The following PDIA5 variants were observed in gnomAD, a reference collection of about 807,000 sequenced individuals.
The protein encoded by PDIA5 is protein disulfide-isomerase A5.
Under a neutral mutation model 77.6 loss-of-function variants are expected in PDIA5, and 58 were observed. The ratio of observed to expected loss-of-function variants is 0.75; its 90% CI spans 0.61 to 0.93. The LOEUF (loss-of-function observed/expected upper bound fraction) is 0.93. Ranked by LOEUF, PDIA5 falls within the 40% of genes least tolerant of loss-of-function variation. The pLI, the probability that PDIA5 is intolerant of heterozygous loss-of-function variation, is 0.00. For synonymous variants in PDIA5, 250 were observed against 252.1 expected (o/e 0.99, Z 0.08); for missense variants, 630 against 647.7 (o/e 0.97, Z 0.30).
intron 10 of PDIA5, among the ~76,000 whole-genome samples, chr3:123,129,048 T>C (rs1935310220): frequency 8.1e-6 from 1 of 123,178 alleles, no homozygotes; most frequent in African/African-American, 3.0e-5. Context: ...TAACCCGTCC[T>C]TCCAATTTTC....
intron 8 of PDIA5, among the ~76,000 whole-genome samples, chr3:123,118,081 G>A (rs940751847): frequency 1.3e-5 from 2 of 152,192 alleles, no homozygotes; most frequent in African/African-American, 2.4e-5. Flanking sequence ...AGTTTAAGTG[G>A]CAGCACCTGG....
chr3:123,125,361 C>T (rs1935219036), intron 10 of PDIA5, among the ~76,000 whole-genome samples: 1 of 152,208 alleles, frequency 6.6e-6, no homozygotes, highest in Non-Finnish European at 1.5e-5. Flanking sequence ...TTACCGTTCT[C>T]TTCATTTTAT....
intron 3 of PDIA5, 47 bp from the exon 4 acceptor site, chr3:123,102,364 G>T (rs1934622709): frequency 6.8e-7 from 1 of 1,461,544 alleles, no homozygotes; most frequent in Non-Finnish European, 9.6e-7. Context: ...CAACACCTTT[G>T]TGAGGACTTC....
chr3:123,131,940 G>A (rs942359223), intron 11 of PDIA5, among the ~76,000 whole-genome samples: 7 of 152,192 alleles, frequency 4.6e-5, no homozygotes, highest in African/African-American at 7.2e-5. Context: ...GGCTGAAATC[G>A]TGAGGTCACA....
intron 15 of PDIA5, among the ~76,000 whole-genome samples, chr3:123,156,934 G>A (rs1936034995): frequency 6.6e-6 from 1 of 152,226 alleles, no homozygotes; most frequent in South Asian, 2.1e-4. Flanking sequence ...CCTCCAGCGG[G>A]CAGCTGAGAG....
At chr3:123,111,456 C>A (rs899685985) in intron 7 of PDIA5, among the ~76,000 whole-genome samples, 1 of 152,244 alleles carries the variant, frequency 6.6e-6, no homozygotes, top group Non-Finnish European at 1.5e-5. Context: ...TCTGCAGGTG[C>A]CACCTGGGAG....
Position 123,161,932 on chromosome 3 carries a change from G to T in PDIA5, c.1532G>T (p.Arg511Ile), listed in dbSNP as rs1245050871. The change falls in exon 17 of 17, where the codon AGA (arginine) becomes ATA (isoleucine). Residue 511 changes from arginine (R) to isoleucine (I), a missense_variant. Coordinates refer to ENST00000316218, the MANE Select transcript of PDIA5 (RefSeq NM_006810.4). ...IRALREGDHERLGKKKEEL is the reference protein window; with the variant it reads ...IRALREGDHEILGKKKEEL ...GCCCTCCGGGAGGGAGACCATGAAAGACTAGGGAAAAAGAAGGAAGAGTTA... is the reference window on the plus strand; with the variant it reads ...GCCCTCCGGGAGGGAGACCATGAAATACTAGGGAAAAAGAAGGAAGAGTTA... The T allele has an allele frequency of 1.2e-6, 2 of 1,604,292 alleles. No individual in the cohort carries two copies. The highest frequency in any genetic ancestry group is 1.7e-6 in the Non-Finnish European group (2 of 1,171,532).
At chr3:123,137,144 G>A (rs1015272695) in intron 11 of PDIA5, among the ~76,000 whole-genome samples, 3 of 152,186 alleles carry the variant, frequency 2.0e-5, no homozygotes, top group Non-Finnish European at 4.4e-5. Context: ...CTACAGAAAG[G>A]TTTTCCCAAA....
chr3:123,091,732 C>T (rs772108091), intron 2 of PDIA5, among the ~76,000 whole-genome samples: 2 of 152,198 alleles, frequency 1.3e-5, no homozygotes, highest in Non-Finnish European at 2.9e-5. Flanking sequence ...GCTCTTGCCC[C>T]GTGGCTTCTG....
At chr3:123,157,546 G>C (rs1010724125) in intron 15 of PDIA5, among the ~76,000 whole-genome samples, 3 of 152,188 alleles carry the variant, frequency 2.0e-5, no homozygotes, top group African/African-American at 7.2e-5. Context: ...GACACCCCAA[G>C]CTGCCACTTC....
intron 2 of PDIA5, among the ~76,000 whole-genome samples, chr3:123,091,806 A>T (rs1321664724): frequency 2.0e-5 from 3 of 152,166 alleles, no homozygotes; most frequent in Non-Finnish European, 4.4e-5. Flanking sequence ...GCCTAGTGTC[A>T]CTTATAGACC....
At chr3:123,117,435 G>T (rs1935024130) in intron 8 of PDIA5, among the ~76,000 whole-genome samples, 1 of 134,766 alleles carries the variant, frequency 7.4e-6, no homozygotes. Context: ...ATGTTGCCCA[G>T]GTTGGACTTG....
intron 7 of PDIA5, among the ~76,000 whole-genome samples, chr3:123,113,506 T>C (rs944233838): frequency 2.0e-5 from 3 of 152,170 alleles, no homozygotes; most frequent in Non-Finnish European, 1.5e-5. Flanking sequence ...AGGAGAAAAC[T>C]CGGAGGTTAA....
intron 1 of PDIA5, among the ~76,000 whole-genome samples, chr3:123,087,807 G>A (rs948731207): frequency 6.6e-6 from 1 of 152,158 alleles, no homozygotes; most frequent in Admixed American, 6.5e-5. Flanking sequence ...GAGAGTGCTT[G>A]TTTACTGGGA....
chr3:123,099,543 GCA>G (rs1310591690), intron 3 of PDIA5, among the ~76,000 whole-genome samples: 2 of 152,168 alleles, frequency 1.3e-5, no homozygotes, highest in Non-Finnish European at 2.9e-5. Context: ...AAAGAAGGTG[GCA>G]CAGAGTCTGC....
Position 123,087,767 on chromosome 3 carries a change from T to C in PDIA5, c.43-1401T>C, listed in dbSNP as rs191129107. On this transcript the variant is annotated intron_variant, in intron 1 of 16. Transcript: ENST00000316218. ...AAGAGCAAGGCACTAGCACATTGAC[T>C]GGCAGCTCTGTGAGTGTGTGGAGGG... 2.0e-5 allele frequency among the ~76,000 whole-genome samples: 3 copies of C among 152,348 alleles called. No homozygotes were observed. In the East Asian group the frequency reaches 5.8e-4, roughly 29 times the overall value.
rs532127710 is a variant in PDIA5 at position 123,113,352 on chromosome 3, C to T, written c.541+2348C>T. ...GTGTGCTGTGCCCTCTCCCGCCATG[C>T]ACCCAGGCTGTGTGGCAGTGTGCCC... On this transcript the variant is annotated intron_variant, in intron 7 of 16. Coordinates refer to ENST00000316218, the MANE Select transcript of PDIA5 (RefSeq NM_006810.4). Among the ~76,000 whole-genome samples the T allele has an allele frequency of 6.6e-5, 10 of 152,318 alleles. No homozygotes were observed. In the East Asian group the frequency reaches 1.9e-3, roughly 29 times the overall value.
Position 123,155,911 on chromosome 3 carries a change from G to C in PDIA5, c.1344+870G>C, listed in dbSNP as rs544427312. 3.3e-5 allele frequency among the ~76,000 whole-genome samples: 5 copies of C among 152,252 alleles called. No individual in the cohort carries two copies. In the South Asian group the frequency reaches 1.0e-3, roughly 32 times the overall value. On this transcript the variant is annotated intron_variant, in intron 15 of 16. Transcript: ENST00000316218. ...CAAGGCCAGGCATAAGCTGAGCATA[G>C]AGTCCTAGATGATAAACAGGCCAAG...
At chr3:123,128,203 T>C (rs1935286586) in intron 10 of PDIA5, among the ~76,000 whole-genome samples, 1 of 152,230 alleles carries the variant, frequency 6.6e-6, no homozygotes, top group African/African-American at 2.4e-5. Context: ...CTTCAAGGAG[T>C]GGGCCCCTGG....
Sources: gnomAD v4.1 joint callset for allele counts (sites outside exome capture counted in the v4.1 genomes callset) on GRCh38, gnomAD v4.1.1 for gene constraint, MANE v1.5 for transcripts, NCBI Gene and HGNC (gene_info 2026-07-23, HGNC 2026-07-21) for gene names.